The following CACNA2D1 variants were observed in gnomAD, a reference collection of about 807,000 sequenced individuals.
CACNA2D1 encodes the protein voltage-dependent calcium channel subunit alpha-2/delta-1.
CACNA2D1 carries 53 observed loss-of-function variants against 171.5 expected under a neutral mutation model. That is an observed-to-expected ratio of 0.31 (90% CI 0.25 to 0.39). The LOEUF (loss-of-function observed/expected upper bound fraction) is 0.39, where lower values mean the gene tolerates loss of function less well. Ranked by LOEUF, CACNA2D1 falls within the 10% of genes least tolerant of loss-of-function variation. The pLI is 1.00. For synonymous variants in CACNA2D1, 442 were observed against 443.1 expected, an observed-to-expected ratio of 1.00 and a Z score of 0.03; for missense variants, 903 against 1,299.8, an observed-to-expected ratio of 0.69 and a Z score of 4.69.
chr7:82,379,624 G>A (rs1315804359), intron 1 of CACNA2D1, among the ~76,000 whole-genome samples: 1 of 152,124 alleles, frequency 6.6e-6, no homozygotes. Context: ...TCAGACAATT[G>A]TCTAAAATTT....
chr7:82,343,690 G>A (rs949246467), intron 2 of CACNA2D1, among the ~76,000 whole-genome samples: 16 of 151,978 alleles, frequency 1.1e-4, no homozygotes, highest in Admixed American at 3.9e-4. Flanking sequence ...TATTAACCTA[G>A]CCTCTCTTTT....
rs76267971 is a variant in CACNA2D1 at position 82,114,689 on chromosome 7, G to C, written c.526+2355C>G. On this transcript the variant is annotated intron_variant, in intron 6 of 38. Transcript: ENST00000356860. The stretch of plus-strand genomic sequence containing the variant: ...GATAATTGCTTGAAGCTGGGAGGCA[G>C]AGGTTGCAGTGAGCTGAGATTGTAC... Among the ~76,000 whole-genome samples, 23 of 149,920 alleles carry C rather than the reference G, an allele frequency of 1.5e-4. No homozygotes were observed. The East Asian group carries it at 4.2e-3, about 27-fold the overall frequency.
chr7:82,005,619 T>C (rs1262652282), intron 17 of CACNA2D1, 122 bp from the exon 18 acceptor site: 4 of 871,804 alleles, frequency 4.6e-6, no homozygotes, highest in Non-Finnish European at 7.5e-6. Context: ...TAACATGGAA[T>C]CATTTTATTT....
At chr7:81,967,744 A>T in intron 29 of CACNA2D1, 81 bp from the exon 30 acceptor site, 1 of 709,548 alleles carries the variant, frequency 1.4e-6, no homozygotes. Flanking sequence ...TTTTGATAGC[A>T]AGTATCAGAC....
At chr7:82,353,880 T>C (rs1226262954) in intron 1 of CACNA2D1, among the ~76,000 whole-genome samples, 1 of 151,988 alleles carries the variant, frequency 6.6e-6, no homozygotes, top group African/African-American at 2.4e-5. Flanking sequence ...TGTAATTTAT[T>C]GACAATGATG....
chr7:82,274,337 T>C (rs1461366810), intron 3 of CACNA2D1, among the ~76,000 whole-genome samples: 1 of 152,244 alleles, frequency 6.6e-6, no homozygotes, highest in African/African-American at 2.4e-5. Flanking sequence ...AAAAAGTCTA[T>C]TATTTTCTTT....
Position 82,156,654 on chromosome 7 carries a change from A to G in CACNA2D1, c.354+13896T>C, listed in dbSNP as rs1049197501. Among the ~76,000 whole-genome samples, 4 of 147,190 alleles carry G rather than the reference A, an allele frequency of 2.7e-5. No homozygotes were observed. The South Asian group carries it at 8.6e-4, about 32-fold the overall frequency. Reference sequence around the variant, plus strand: ...AATAAATTTATTTTCTTTTAATAAGAGAGATCAATGTGCATAATATCAAGT... The same window carrying G: ...AATAAATTTATTTTCTTTTAATAAGGGAGATCAATGTGCATAATATCAAGT... On this transcript the variant is annotated intron_variant, in intron 4 of 38. Transcript: ENST00000356860.
At chr7:82,000,414 TA>T (rs1301740773) in intron 18 of CACNA2D1, among the ~76,000 whole-genome samples, 1 of 152,144 alleles carries the variant, frequency 6.6e-6, no homozygotes, top group Non-Finnish European at 1.5e-5. Flanking sequence ...GGATGGAAAC[TA>T]GTGACTAGTT....
intron 1 of CACNA2D1, among the ~76,000 whole-genome samples, chr7:82,419,890 G>C (rs1053523509): frequency 2.6e-5 from 4 of 152,160 alleles, no homozygotes; most frequent in Non-Finnish European, 5.9e-5. Context: ...CCCCTCAGGA[G>C]ACATCTGATG....
intron 5 of CACNA2D1, among the ~76,000 whole-genome samples, chr7:82,131,397 T>G (rs948708902): frequency 1.3e-5 from 2 of 152,142 alleles, no homozygotes; most frequent in African/African-American, 4.8e-5. Context: ...ATCAAGCTGT[T>G]TCTACACATC....
At chr7:82,204,888 G>T (rs1799853814) in intron 3 of CACNA2D1, among the ~76,000 whole-genome samples, 1 of 152,156 alleles carries the variant, frequency 6.6e-6, no homozygotes, top group African/African-American at 2.4e-5. Flanking sequence ...AGTCCAGCAT[G>T]ACTCAGCGAG....
chr7:82,358,768 T>A (rs1019009703), intron 1 of CACNA2D1, among the ~76,000 whole-genome samples: 1 of 152,116 alleles, frequency 6.6e-6, no homozygotes, highest in Admixed American at 6.5e-5. Flanking sequence ...TCAAAGGCCA[T>A]GAGATCTACT....
intron 1 of CACNA2D1, among the ~76,000 whole-genome samples, chr7:82,440,436 G>A (rs901579703): frequency 1.3e-5 from 2 of 151,688 alleles, no homozygotes; most frequent in African/African-American, 4.8e-5. Flanking sequence ...CTTTTTGAAA[G>A]CTACATTTTA....
At chr7:82,153,954 G>A (rs748455744) in intron 4 of CACNA2D1, among the ~76,000 whole-genome samples, 1 of 152,120 alleles carries the variant, frequency 6.6e-6, no homozygotes, top group East Asian at 1.9e-4. Context: ...TGCAGAGCTT[G>A]TAATCCTGTA....
intron 8 of CACNA2D1, among the ~76,000 whole-genome samples, chr7:82,066,204 A>C (rs1025198790): frequency 1.3e-5 from 2 of 152,110 alleles, no homozygotes; most frequent in Non-Finnish European, 2.9e-5. Flanking sequence ...TGTAGTACTG[A>C]GATTAAATAT....
chr7:82,033,633 T>G (rs576192328), intron 11 of CACNA2D1, among the ~76,000 whole-genome samples: 4 of 151,970 alleles, frequency 2.6e-5, no homozygotes, highest in Non-Finnish European at 5.9e-5. Flanking sequence ...CAGGATGTCC[T>G]CTTATCCTCT....
intron 6 of CACNA2D1, among the ~76,000 whole-genome samples, chr7:82,107,728 C>T (rs370347283): frequency 6.6e-6 from 1 of 151,790 alleles, no homozygotes; most frequent in Non-Finnish European, 1.5e-5. Context: ...GGATTACAAG[C>T]ACACATCACC....
Position 82,200,491 on chromosome 7 carries a change from A to G in CACNA2D1, c.295-29882T>C, listed in dbSNP as rs186221142. Among the ~76,000 whole-genome samples the G allele has an allele frequency of 2.6e-3, 400 of 152,254 alleles. 1 individual carries two copies. Among genetic ancestry groups the G allele is most frequent in the Middle Eastern group, 0.014 (4 of 294 alleles). The stretch of plus-strand genomic sequence containing the variant: ...AAGAATAAATATAGCAATTGAATTT[A>G]GCCTTATTAATTACTTTCTTCTCTC... On this transcript the variant is annotated intron_variant, in intron 3 of 38. Coordinates refer to ENST00000356860, the MANE Select transcript of CACNA2D1 (RefSeq NM_000722.4).
At chr7:82,107,603 T>TTTTTTA (rs58555548) in intron 6 of CACNA2D1, among the ~76,000 whole-genome samples, 1 of 146,052 alleles carries the variant, frequency 6.8e-6, no homozygotes, top group East Asian at 2.0e-4. Context: ...TTTTTTTTTT[T>TTTTTTA]GAGACAGTCT....
Sources: gnomAD v4.1 joint callset for allele counts (sites outside exome capture counted in the v4.1 genomes callset) on GRCh38, gnomAD v4.1.1 for gene constraint, MANE v1.5 for transcripts, NCBI Gene and HGNC (gene_info 2026-07-23, HGNC 2026-07-21) for gene names.